The following CNTN5 variants were observed in gnomAD, a reference collection of about 807,000 sequenced individuals.
The protein encoded by CNTN5 is contactin 5, also known as contactin-5.
Under a neutral mutation model 129.1 loss-of-function variants are expected in CNTN5, and 77 were observed. The observed-to-expected ratio is 0.60, with a 90% confidence interval of 0.50 to 0.72. The LOEUF (loss-of-function observed/expected upper bound fraction) is 0.72, where lower values mean the gene tolerates loss of function less well. CNTN5 is among the 30% of genes least tolerant of loss of function. CNTN5 has a pLI of 0.00. For missense variants in CNTN5, 1,478 were observed against 1,328.8 expected (o/e 1.11, Z -1.75); for synonymous variants, 509 against 465.6 (o/e 1.09, Z -1.20).
intron 1 of CNTN5, among the ~76,000 whole-genome samples, chr11:99,247,260 T>A (rs76118718): frequency 0.017 from 2,594 of 152,208 alleles, 86 homozygotes; most frequent in African/African-American, 0.06. Context: ...CATTTAAAGA[T>A]ATAATTTGTT....
chr11:99,182,840 A>T (rs1237563003), intron 1 of CNTN5, among the ~76,000 whole-genome samples: 1 of 152,170 alleles, frequency 6.6e-6, no homozygotes, highest in African/African-American at 2.4e-5. Context: ...CCTGACGTTG[A>T]GCTTCACTGT....
chr11:100,224,660 C>T lies in CNTN5; in HGVS notation c.1885-32C>T, dbSNP rs1318268132. 5 of 1,592,986 alleles carry T rather than the reference C, an allele frequency of 3.1e-6. No individual in the cohort carries two copies. The African/African-American group carries it at 6.7e-5, about 21-fold the overall frequency. On this transcript the variant is annotated intron_variant, in intron 15 of 24. Coordinates refer to ENST00000524871, the MANE Select transcript of CNTN5 (RefSeq NM_014361.4). Reference sequence around the variant, plus strand: ...CACCTTGAACTAGGCAGATTTGCAACATTTTAAACTGGCACTTCATCCCTC... The same window carrying T: ...CACCTTGAACTAGGCAGATTTGCAATATTTTAAACTGGCACTTCATCCCTC...
At chr11:99,643,979 C>A (rs1951859998) in intron 3 of CNTN5, among the ~76,000 whole-genome samples, 1 of 151,900 alleles carries the variant, frequency 6.6e-6, no homozygotes, top group African/African-American at 2.4e-5. Flanking sequence ...CCATGCAAAG[C>A]CCATATTCTA....
intron 2 of CNTN5, among the ~76,000 whole-genome samples, chr11:99,326,283 C>T (rs1865784960): frequency 1.3e-5 from 2 of 152,200 alleles, no homozygotes; most frequent in South Asian, 2.1e-4. Context: ...AAGGTCAATA[C>T]ACTATGAATA....
intron 1 of CNTN5, among the ~76,000 whole-genome samples, chr11:99,139,287 C>T (rs2135456987): frequency 6.6e-6 from 1 of 152,228 alleles, no homozygotes; most frequent in African/African-American, 2.4e-5. Flanking sequence ...CAAAACAAAA[C>T]AACAACAAAA....
chr11:100,173,636 G>A (rs1474433885), intron 13 of CNTN5, among the ~76,000 whole-genome samples: 2 of 152,118 alleles, frequency 1.3e-5, no homozygotes, highest in Non-Finnish European at 2.9e-5. Flanking sequence ...GGTGGTAGTT[G>A]AAAGAAGTTT....
chr11:99,342,585 A>AAAAAC (rs1866566093), intron 2 of CNTN5, among the ~76,000 whole-genome samples: 1 of 144,090 alleles, frequency 6.9e-6, no homozygotes, highest in African/African-American at 2.5e-5. Context: ...AAAAAAAAAA[A>AAAAAC]AAAAAAAAAA....
intron 2 of CNTN5, among the ~76,000 whole-genome samples, chr11:99,341,210 A>G (rs926808242): frequency 1.3e-5 from 2 of 152,170 alleles, no homozygotes; most frequent in Non-Finnish European, 2.9e-5. Flanking sequence ...AACTGAAATA[A>G]TTTAACTTCT....
chr11:99,050,323 T>A (rs1161106277), intron 1 of CNTN5, among the ~76,000 whole-genome samples: 2 of 152,028 alleles, frequency 1.3e-5, no homozygotes, highest in East Asian at 1.9e-4. Context: ...TGTTTATGTT[T>A]TAGGGTAAAG....
intron 2 of CNTN5, among the ~76,000 whole-genome samples, chr11:99,433,032 T>C (rs1276026742): frequency 6.6e-6 from 1 of 150,512 alleles, no homozygotes; most frequent in Non-Finnish European, 1.5e-5. Flanking sequence ...AAAAAAGGTT[T>C]AGTGGACTGT....
intron 2 of CNTN5, among the ~76,000 whole-genome samples, chr11:99,355,800 C>A (rs1351209925): frequency 1.3e-5 from 2 of 150,218 alleles, no homozygotes; most frequent in Non-Finnish European, 3.0e-5. Flanking sequence ...GTCACAAATG[C>A]ATCTGTCATG....
chr11:99,575,482 C>G (rs1403669181), intron 3 of CNTN5, among the ~76,000 whole-genome samples: 1 of 152,142 alleles, frequency 6.6e-6, no homozygotes, highest in African/African-American at 2.4e-5. Context: ...GTGACAGAAA[C>G]TCAGATTTGT....
chr11:100,306,568 T>C (rs1951354755), intron 20 of CNTN5, among the ~76,000 whole-genome samples: 1 of 151,734 alleles, frequency 6.6e-6, no homozygotes, highest in Admixed American at 6.6e-5. Context: ...ATATTCAAAG[T>C]GTGGTTTCCT....
At chr11:99,174,540 C>A (rs1036515381) in intron 1 of CNTN5, among the ~76,000 whole-genome samples, 2 of 152,094 alleles carry the variant, frequency 1.3e-5, no homozygotes, top group African/African-American at 2.4e-5. Context: ...GTTAAAAACT[C>A]TTTATCATAC....
intron 13 of CNTN5, among the ~76,000 whole-genome samples, chr11:100,145,704 A>T (rs561640922): frequency 6.6e-6 from 1 of 152,128 alleles, no homozygotes; most frequent in African/African-American, 2.4e-5. Flanking sequence ...GCTTTTGGCT[A>T]CATGGCCTGA....
Position 99,968,673 on chromosome 11 carries a change from T to C in CNTN5, c.877+11664T>C, listed in dbSNP as rs1275866772. Among the ~76,000 whole-genome samples, 4 of 138,324 alleles carry C rather than the reference T, an allele frequency of 2.9e-5. 1 individual carries two copies. The highest frequency in any genetic ancestry group is 2.2e-4 in the Admixed American group (3 of 13,610). The allele number at this position is 138,324 out of a possible 152,430, so 90.7% of individuals were successfully genotyped here. A position where few individuals can be genotyped will look rare whatever the true frequency, so the allele number is the denominator to read the frequency against. ...TTTGGGTACTTTTTTTTTTTTTTTT[T>C]TTTTTTTTTTTTTGTATTTCCCTTC... On this transcript the variant is annotated intron_variant, in intron 8 of 24. Coordinates refer to ENST00000524871, the MANE Select transcript of CNTN5 (RefSeq NM_014361.4).
intron 13 of CNTN5, among the ~76,000 whole-genome samples, chr11:100,077,169 T>G (rs895556137): frequency 1.3e-5 from 2 of 152,196 alleles, no homozygotes; most frequent in Non-Finnish European, 2.9e-5. Flanking sequence ...ATTACAGCTC[T>G]AAATATAAAT....
chr11:100,156,137 G>A (rs747952798), intron 13 of CNTN5, among the ~76,000 whole-genome samples: 1 of 152,154 alleles, frequency 6.6e-6, no homozygotes. Flanking sequence ...ACTGGCTATG[G>A]GTTTGTCACA....
intron 3 of CNTN5, among the ~76,000 whole-genome samples, chr11:99,656,644 G>T (rs1228519982): frequency 1.3e-5 from 2 of 152,074 alleles, no homozygotes; most frequent in Non-Finnish European, 2.9e-5. Context: ...CCAGGAAGCT[G>T]GCACATTTGC....
Sources: gnomAD v4.1 joint callset for allele counts (sites outside exome capture counted in the v4.1 genomes callset) on GRCh38, gnomAD v4.1.1 for gene constraint, MANE v1.5 for transcripts, NCBI Gene and HGNC (gene_info 2026-07-23, HGNC 2026-07-21) for gene names.